Variants in UNC13B observed in about 807,000 individuals in gnomAD.
UNC13B encodes unc-13 homolog B, also known as protein unc-13 homolog B.
UNC13B carries 144 observed loss-of-function variants against 211.0 expected under a neutral mutation model. The ratio of observed to expected loss-of-function variants is 0.68; its 90% CI spans 0.60 to 0.78. The LOEUF (loss-of-function observed/expected upper bound fraction) is 0.78. Ranked by LOEUF, UNC13B falls within the 30% of genes least tolerant of loss-of-function variation. The pLI is 0.00. For synonymous variants in UNC13B, 709 were observed against 725.8 expected, an observed-to-expected ratio of 0.98 and a Z score of 0.37; for missense variants, 1,777 against 2,002.0, an observed-to-expected ratio of 0.89 and a Z score of 2.14.
intron 7 of UNC13B, among the ~76,000 whole-genome samples, chr9:35,288,337 T>C (rs564133375): frequency 1.6e-4 from 24 of 152,218 alleles, no homozygotes; most frequent in Non-Finnish European, 3.4e-4. Context: ...AAATCCTTAA[T>C]ATTACTTGAT....
intron 7 of UNC13B, among the ~76,000 whole-genome samples, chr9:35,288,221 C>T (rs1191070222): frequency 6.6e-6 from 1 of 152,144 alleles, no homozygotes; most frequent in African/African-American, 2.4e-5. Context: ...AACCAACCAC[C>T]ATTGGCCACA....
chr9:35,195,800 T>G (rs1354979713), intron 1 of UNC13B, among the ~76,000 whole-genome samples: 1 of 152,046 alleles, frequency 6.6e-6, no homozygotes, highest in African/African-American at 2.4e-5. Flanking sequence ...GTTAGAGTTG[T>G]TTTTTTTCCT....
At position 35,305,378 on chromosome 9, in the gene UNC13B, A is replaced by G. The variant is rs1829874416; in HGVS notation, c.5974A>G (p.Asn1992Asp). The G allele has an allele frequency of 2.5e-6, 1 of 398,864 alleles. No individual in the cohort carries two copies. Among genetic ancestry groups the G allele is most frequent in the Non-Finnish European group, 4.4e-6 (1 of 226,028 alleles). 24.7% of individuals were successfully genotyped at this position (398,864 alleles called of 1,614,324 possible). A position where few individuals can be genotyped will look rare whatever the true frequency, so the allele number is the denominator to read the frequency against. ...WGTLGDFFKA[N>D]VSPIQTTENT... ...TACCCTTGGGGATTTCTTTAAAGCC[A>G]ATGTATCTCCTATACAGACAACTGA... The change falls in exon 9 of 40, where the codon AAT (asparagine) becomes GAT (aspartate). Residue 1992 changes from asparagine to aspartate, a missense_variant. Physicochemically the swap from Asn to Asp is conservative, Grantham distance 23. Transcript: ENST00000635942.
intron 9 of UNC13B, among the ~76,000 whole-genome samples, chr9:35,308,981 T>G (rs938868433): frequency 3.3e-5 from 5 of 152,212 alleles, no homozygotes; most frequent in Non-Finnish European, 1.5e-5. Context: ...GCATAGTTTC[T>G]TCCATGGTAT....
chr9:35,179,618 C>T (rs1564049455), intron 1 of UNC13B, among the ~76,000 whole-genome samples: 1 of 152,058 alleles, frequency 6.6e-6, no homozygotes, highest in South Asian at 2.1e-4. Flanking sequence ...TGACAAAACC[C>T]TATCTCTACA....
At chr9:35,258,727 T>C (rs937105179) in intron 6 of UNC13B, among the ~76,000 whole-genome samples, 6 of 152,204 alleles carry the variant, frequency 3.9e-5, no homozygotes, top group African/African-American at 1.4e-4. Flanking sequence ...CAGAGCTAGG[T>C]GGGTGCCCAG....
chr9:35,231,398 G>T (rs2131505048), intron 3 of UNC13B, among the ~76,000 whole-genome samples, 179 bp downstream of exon 3: 1 of 152,324 alleles, frequency 6.6e-6, no homozygotes, highest in South Asian at 2.1e-4. Flanking sequence ...CATGGTACAT[G>T]AAGCACAACT....
chr9:35,260,789 T>G (rs182317424), intron 7 of UNC13B, among the ~76,000 whole-genome samples: 1 of 152,282 alleles, frequency 6.6e-6, no homozygotes. Flanking sequence ...CAAAACTCAT[T>G]GTAATGAGTT....
At chr9:35,342,683 T>G (rs1832079225) in intron 11 of UNC13B, among the ~76,000 whole-genome samples, 1 of 152,228 alleles carries the variant, frequency 6.6e-6, no homozygotes, top group Non-Finnish European at 1.5e-5. Context: ...TATGAATAAA[T>G]GACCTGTCCA....
At chr9:35,276,697 G>A (rs1311871459) in intron 7 of UNC13B, among the ~76,000 whole-genome samples, 1 of 152,072 alleles carries the variant, frequency 6.6e-6, no homozygotes, top group Admixed American at 6.5e-5. Flanking sequence ...GAAAGTGAAA[G>A]TACTCTTCAA....
At chr9:35,332,045 G>A (rs985545978) in intron 11 of UNC13B, among the ~76,000 whole-genome samples, 5 of 151,238 alleles carry the variant, frequency 3.3e-5, no homozygotes, top group Admixed American at 6.6e-5. Flanking sequence ...GCAATGGTGC[G>A]ATCTCAGCTC....
intron 7 of UNC13B, among the ~76,000 whole-genome samples, chr9:35,260,149 G>A (rs1351441740): frequency 1.3e-5 from 2 of 151,674 alleles, no homozygotes; most frequent in African/African-American, 2.4e-5. Context: ...AATCGAGGCT[G>A]TAGTGAGCTA....
chr9:35,355,721 C>A (rs941030391), intron 11 of UNC13B, among the ~76,000 whole-genome samples: 5 of 152,226 alleles, frequency 3.3e-5, no homozygotes, highest in Non-Finnish European at 7.3e-5. Flanking sequence ...TTCCAGGAAG[C>A]TTTCTGAGGC....
intron 12 of UNC13B, among the ~76,000 whole-genome samples, chr9:35,367,249 C>A (rs968221479): frequency 2.0e-5 from 3 of 152,102 alleles, no homozygotes; most frequent in Non-Finnish European, 2.9e-5. Context: ...CTCATCCTTG[C>A]CTCTATAATT....
intron 11 of UNC13B, among the ~76,000 whole-genome samples, chr9:35,358,124 C>G (rs1833152928): frequency 6.6e-6 from 1 of 152,210 alleles, no homozygotes; most frequent in South Asian, 2.1e-4. Context: ...GTCAGAATTT[C>G]ACTCTGAAAT....
intron 7 of UNC13B, among the ~76,000 whole-genome samples, chr9:35,259,737 G>C (rs1224263121): frequency 8.5e-6 from 1 of 118,146 alleles, no homozygotes; most frequent in Non-Finnish European, 1.6e-5. Flanking sequence ...CTTAGAGTCT[G>C]ATCTATTTCG....
At chr9:35,254,630 T>C (rs1826710886) in intron 6 of UNC13B, among the ~76,000 whole-genome samples, 1 of 152,012 alleles carries the variant, frequency 6.6e-6, no homozygotes, top group Admixed American at 6.6e-5. Context: ...TCCCTAATTG[T>C]TGCAAATGGT....
chr9:35,258,821 C>A (rs1005777872), intron 6 of UNC13B, among the ~76,000 whole-genome samples, 172 bp from the exon 7 acceptor site: 1 of 152,202 alleles, frequency 6.6e-6, no homozygotes, highest in Non-Finnish European at 1.5e-5. Flanking sequence ...ATAGTCTGGC[C>A]TATATGTCAA....
intron 7 of UNC13B, among the ~76,000 whole-genome samples, chr9:35,271,519 C>T (rs1442631723): frequency 6.6e-6 from 1 of 152,128 alleles, no homozygotes; most frequent in Non-Finnish European, 1.5e-5. Context: ...AACATTTAGC[C>T]ACAAGGCTAA....
Sources: gnomAD v4.1 joint callset for allele counts (sites outside exome capture counted in the v4.1 genomes callset) on GRCh38, gnomAD v4.1.1 for gene constraint, MANE v1.5 for transcripts, NCBI Gene and HGNC (gene_info 2026-07-23, HGNC 2026-07-21) for gene names.